HCN1: variants seen among roughly 807,000 people sequenced by gnomAD.
The protein encoded by HCN1 is hyperpolarization activated cyclic nucleotide gated potassium channel 1, also known as potassium/sodium hyperpolarization-activated cyclic nucleotide-gated channel 1.
Under a neutral mutation model 78.9 loss-of-function variants are expected in HCN1, and 13 were observed. The observed-to-expected ratio is 0.16, with a 90% CI of 0.11 to 0.26. The LOEUF is 0.26. Ranked by LOEUF, HCN1 falls within the 10% of genes least tolerant of loss-of-function variation. The pLI, the probability that HCN1 is intolerant of heterozygous loss-of-function variation, is 1.00. For synonymous variants in HCN1, 552 were observed against 455.5 expected (o/e 1.21, Z -2.70); for missense variants, 810 against 1,154.3 (o/e 0.70, Z 4.32).
chr5:45,327,459 A>AG (rs1168950879), intron 5 of HCN1, among the ~76,000 whole-genome samples: 1 of 151,702 alleles, frequency 6.6e-6, no homozygotes, highest in African/African-American at 2.4e-5. Flanking sequence ...TTCAAACATA[A>AG]CAATATATGT....
intron 3 of HCN1, among the ~76,000 whole-genome samples, chr5:45,412,699 T>A (rs1321591315): frequency 1.3e-5 from 2 of 152,060 alleles, no homozygotes; most frequent in Admixed American, 6.6e-5. Context: ...ATAGCCTCCT[T>A]CCATGGCCTG....
intron 1 of HCN1, among the ~76,000 whole-genome samples, chr5:45,674,612 A>T (rs1278262722): frequency 6.6e-6 from 1 of 151,856 alleles, no homozygotes; most frequent in Non-Finnish European, 1.5e-5. Flanking sequence ...ACTTAATTTA[A>T]TATCAACTGT....
intron 3 of HCN1, among the ~76,000 whole-genome samples, chr5:45,425,420 T>C (rs886601349): frequency 6.6e-6 from 1 of 152,210 alleles, no homozygotes; most frequent in Non-Finnish European, 1.5e-5. Flanking sequence ...AGGATAATTC[T>C]TGTTAACATA....
chr5:45,585,791 T>C (rs1205627144), intron 2 of HCN1, among the ~76,000 whole-genome samples: 1 of 152,164 alleles, frequency 6.6e-6, no homozygotes, highest in Non-Finnish European at 1.5e-5. Context: ...GGAGGTCCAC[T>C]CCAGACCCTG....
intron 3 of HCN1, among the ~76,000 whole-genome samples, chr5:45,434,470 A>AAAGAACAGGGATGGTGGAACTAAAGAAC (rs1207405242): frequency 6.6e-6 from 1 of 152,238 alleles, no homozygotes; most frequent in African/African-American, 2.4e-5. Context: ...TGGTGGAACT[A>AAAGAACAGGGATGGTGGAACTAAAGAAC]AAGAACACTA....
At chr5:45,660,631 A>G (rs1352250721) in intron 1 of HCN1, among the ~76,000 whole-genome samples, 1 of 150,760 alleles carries the variant, frequency 6.6e-6, no homozygotes, top group Non-Finnish European at 1.5e-5. Context: ...AATGGAAAAC[A>G]AAAAAAGGCA....
intron 4 of HCN1, among the ~76,000 whole-genome samples, chr5:45,395,139 T>C (rs1579866118): frequency 6.6e-6 from 1 of 151,836 alleles, no homozygotes; most frequent in East Asian, 1.9e-4. Context: ...ATTGAGAAAA[T>C]GTATAGCAAT....
At chr5:45,482,722 G>C (rs1741679222) in intron 2 of HCN1, among the ~76,000 whole-genome samples, 1 of 152,056 alleles carries the variant, frequency 6.6e-6, no homozygotes, top group African/African-American at 2.4e-5. Flanking sequence ...CAGGTAGTGA[G>C]CACAATACCT....
chr5:45,576,311 A>T (rs1050351692), intron 2 of HCN1: 1 of 152,190 alleles, frequency 6.6e-6, no homozygotes, highest in Non-Finnish European at 1.5e-5. Flanking sequence ...AACTGGCAAC[A>T]AAAGATTTGG....
At chr5:45,342,633 G>A (rs1171890274) in intron 5 of HCN1, among the ~76,000 whole-genome samples, 1 of 151,980 alleles carries the variant, frequency 6.6e-6, no homozygotes, top group African/African-American at 2.4e-5. Flanking sequence ...GAAATTTGTA[G>A]GGAAAATAAA....
chr5:45,512,381 A>G (rs574595852), intron 2 of HCN1, among the ~76,000 whole-genome samples: 1 of 152,220 alleles, frequency 6.6e-6, no homozygotes, highest in Middle Eastern at 3.4e-3. Flanking sequence ...TCATCTTTTT[A>G]CTTTTTTTCT....
intron 3 of HCN1, among the ~76,000 whole-genome samples, chr5:45,423,286 A>C (rs920926205): frequency 1.3e-5 from 2 of 152,216 alleles, no homozygotes; most frequent in African/African-American, 4.8e-5. Context: ...GAAGCAGAAT[A>C]GAGATGGATT....
chr5:45,308,912 G>A (rs372618857), intron 5 of HCN1, among the ~76,000 whole-genome samples: 7 of 152,064 alleles, frequency 4.6e-5, no homozygotes, highest in South Asian at 4.1e-4. Flanking sequence ...GAATGTCAGC[G>A]GTAGTTTAAT....
chr5:45,623,756 A>G (rs977274950), intron 2 of HCN1, among the ~76,000 whole-genome samples: 10 of 152,208 alleles, frequency 6.6e-5, no homozygotes, highest in Admixed American at 5.9e-4. Flanking sequence ...TAGAGCTCTC[A>G]TTCTGGAAGA....
intron 3 of HCN1, 52 bp downstream of exon 3, chr5:45,461,794 G>A (rs1470143089): frequency 1.4e-6 from 2 of 1,461,818 alleles, no homozygotes; most frequent in African/African-American, 1.4e-5. Context: ...TACTTAAAAG[G>A]TTTTGGCACA....
At chr5:45,564,082 T>C (rs1300647175) in intron 2 of HCN1, among the ~76,000 whole-genome samples, 1 of 152,172 alleles carries the variant, frequency 6.6e-6, no homozygotes, top group Non-Finnish European at 1.5e-5. Context: ...GTAAAATTCT[T>C]CTTGACAAAA....
intron 2 of HCN1, among the ~76,000 whole-genome samples, chr5:45,484,670 G>A (rs1392973807): frequency 6.6e-6 from 1 of 152,170 alleles, no homozygotes; most frequent in African/African-American, 2.4e-5. Context: ...TGCTCCTGAT[G>A]ACCTCGGACA....
chr5:45,582,941 T>A (rs1436004579), intron 2 of HCN1, among the ~76,000 whole-genome samples: 1 of 152,052 alleles, frequency 6.6e-6, no homozygotes, highest in African/African-American at 2.4e-5. Flanking sequence ...ATTGAGGATT[T>A]TGGCTTCGAT....
chr5:45,461,802 A>G, intron 3 of HCN1, 44 bp downstream of exon 3: 1 of 1,517,400 alleles, frequency 6.6e-7, no homozygotes, highest in Non-Finnish European at 9.1e-7. Context: ...AGGTTTTGGC[A>G]CAACGTTGAA....
Sources: gnomAD v4.1 joint callset for allele counts (sites outside exome capture counted in the v4.1 genomes callset) on GRCh38, gnomAD v4.1.1 for gene constraint, MANE v1.5 for transcripts, NCBI Gene and HGNC (gene_info 2026-07-23, HGNC 2026-07-21) for gene names.